Variants in SUSD3 observed in about 807,000 individuals in gnomAD.
SUSD3 encodes sushi domain containing 3.
In SUSD3, 18 loss-of-function variants were observed where a neutral mutation model predicts 20.6. That is an observed-to-expected ratio of 0.87 (90% CI 0.60 to 1.30). SUSD3 has a LOEUF of 1.30. Among genes scored for constraint, SUSD3 ranks in the 50% most tolerant of loss-of-function variants. The probability of loss-of-function intolerance (pLI) is 0.00; values close to 1 mark genes in which losing one functional copy is unlikely to be tolerated. For missense variants in SUSD3, 306 were observed against 346.9 expected (o/e 0.88, Z 0.94); for synonymous variants, 137 against 141.5 (o/e 0.97, Z 0.23).
At chr9:93,075,411 C>CTTTTTTTTTTT (rs58393196) in intron 1 of SUSD3, among the ~76,000 whole-genome samples, 71 of 101,272 alleles carry the variant, frequency 7.0e-4, no homozygotes, top group Non-Finnish European at 7.4e-4. Context: ...CTCTGTCCCT[C>CTTTTTTTTTTT]TTTTTTTTTT....
intron 2 of SUSD3, among the ~76,000 whole-genome samples, chr9:93,077,370 C>T (rs1826207627): frequency 6.6e-6 from 1 of 151,978 alleles, no homozygotes; most frequent in Non-Finnish European, 1.5e-5. Context: ...CCCACCCTTC[C>T]TTCATTCCTC....
rs563842945 is a variant in SUSD3, at chr9:93,061,076, A to T, written c.88+2246A>T. Among the ~76,000 whole-genome samples, 149 of 152,234 alleles carry T rather than the reference A, an allele frequency of 9.8e-4. 1 individual carries two copies. The highest frequency in any genetic ancestry group is 3.4e-3 in the African/African-American group (141 of 41,524). On this transcript the variant is annotated intron_variant, in intron 1 of 4. Coordinates refer to ENST00000375472, the MANE Select transcript of SUSD3 (RefSeq NM_145006.4). ...AGGAGTTTATCATGTTTGTTGTATG[A>T]CTGGCCCCTGGCCCTGCTCCCAGGT...
At chr9:93,059,761 G>A (rs1402796077) in intron 1 of SUSD3, among the ~76,000 whole-genome samples, 1 of 152,228 alleles carries the variant, frequency 6.6e-6, no homozygotes, top group Non-Finnish European at 1.5e-5. Context: ...GCAGGAAGGT[G>A]GCAGGAGAAT....
chr9:93,062,036 G>A (rs970760591), intron 1 of SUSD3, among the ~76,000 whole-genome samples: 3 of 152,250 alleles, frequency 2.0e-5, no homozygotes, highest in Non-Finnish European at 4.4e-5. Flanking sequence ...CCAGATAAAA[G>A]ATTAACAAGT....
intron 1 of SUSD3, among the ~76,000 whole-genome samples, 195 bp from the exon 2 acceptor site, chr9:93,075,589 G>T (rs1826104068): frequency 1.3e-5 from 2 of 151,606 alleles, no homozygotes; most frequent in African/African-American, 2.4e-5. Flanking sequence ...TTCATGGAGG[G>T]ATCCAGCTCT....
Position 93,063,981 on chromosome 9 carries a change from G to A in SUSD3, c.88+5151G>A, listed in dbSNP as rs77350135. Reference sequence around the variant, plus strand: ...TTATTTGAGTTTTTAATTTGACGGCGCATCCCGGACTTCTTGTAGGTCAGT... The same window carrying A: ...TTATTTGAGTTTTTAATTTGACGGCACATCCCGGACTTCTTGTAGGTCAGT... On this transcript the variant is annotated intron_variant, in intron 1 of 4. Transcript: ENST00000375472. Among the ~76,000 whole-genome samples, 1,032 of 152,224 alleles carry A rather than the reference G, an allele frequency of 6.8e-3. 12 individuals are homozygous for A. The highest frequency in any genetic ancestry group is 0.026 in the South Asian group (124 of 4,820).
At chr9:93,084,448 T>A (rs868837131) in intron 4 of SUSD3, 89 bp from the exon 5 acceptor site, 1 of 1,260,844 alleles carries the variant, frequency 7.9e-7, no homozygotes, top group Middle Eastern at 2.0e-4. Context: ...CCAGGCCCAC[T>A]GGAGGGCCTG....
intron 1 of SUSD3, chr9:93,069,139 G>T: frequency 1.4e-6 from 1 of 702,868 alleles, no homozygotes; most frequent in Non-Finnish European, 2.6e-6. Context: ...GGAAATTCCA[G>T]AGATAATTTG....
chr9:93,075,869 G>T lies in SUSD3; in HGVS notation c.174G>T (p.Met58Ile). Residue 58 changes from methionine to isoleucine, a missense_variant, in exon 2 of 5, where the codon ATG (methionine) becomes ATT (isoleucine). Coordinates refer to ENST00000375472, the MANE Select transcript of SUSD3 (RefSeq NM_145006.4). Reference sequence around the variant, plus strand: ...GTGCTTCCGTGGGGACCGTGCTCATGTTCCGCTGCCCCTCCAACCACCAGA... The same window carrying T: ...GTGCTTCCGTGGGGACCGTGCTCATTTTCCGCTGCCCCTCCAACCACCAGA... ...GNGASVGTVLMFRCPSNHQMV... is the reference protein window; with the variant it reads ...GNGASVGTVLIFRCPSNHQMV... 1 of 1,613,656 alleles carries T rather than the reference G, an allele frequency of 6.2e-7. No individual in the cohort carries two copies. Among genetic ancestry groups the T allele is most frequent in the African/African-American group, 1.3e-5 (1 of 74,878 alleles).
At chr9:93,065,195 C>T (rs1157667010) in intron 1 of SUSD3, among the ~76,000 whole-genome samples, 1 of 152,146 alleles carries the variant, frequency 6.6e-6, no homozygotes, top group Non-Finnish European at 1.5e-5. Context: ...GAACGTGCAG[C>T]AGAGTTGAAA....
intron 1 of SUSD3, among the ~76,000 whole-genome samples, chr9:93,066,450 T>A (rs1171481251): frequency 4.6e-5 from 7 of 152,138 alleles, no homozygotes; most frequent in Non-Finnish European, 1.0e-4. Context: ...GTCAGGCGGG[T>A]CTCAAACTGC....
chr9:93,075,381 A>T (rs1222208049), intron 1 of SUSD3, among the ~76,000 whole-genome samples: 1 of 144,334 alleles, frequency 6.9e-6, no homozygotes, highest in Non-Finnish European at 1.5e-5. Flanking sequence ...CTTTGTATGC[A>T]GTCAAATCTG....
chr9:93,063,431 C>T (rs191464035), intron 1 of SUSD3, among the ~76,000 whole-genome samples: 1 of 152,264 alleles, frequency 6.6e-6, no homozygotes, highest in African/African-American at 2.4e-5. Flanking sequence ...AAATTCAGGT[C>T]CAAGACCTGC....
rs75328682 is a variant in SUSD3 at position 93,067,890 on chromosome 9, G to A, written c.89-7894G>A. 5.1e-3 allele frequency among the ~76,000 whole-genome samples: 782 copies of A among 152,270 alleles called. 7 individuals carry two copies. The highest frequency in any genetic ancestry group is 0.018 in the African/African-American group (739 of 41,540). On this transcript the variant is annotated intron_variant, in intron 1 of 4. Transcript: ENST00000375472. ...TGGGATTACAGGCGTGAGCCACTGCGCCCAGCCAGCTATTGGTATTGCCTA... is the reference window on the plus strand; with the variant it reads ...TGGGATTACAGGCGTGAGCCACTGCACCCAGCCAGCTATTGGTATTGCCTA...
chr9:93,084,096 C>T (rs1018481307), intron 4 of SUSD3, among the ~76,000 whole-genome samples: 1 of 152,064 alleles, frequency 6.6e-6, no homozygotes, highest in Non-Finnish European at 1.5e-5. Flanking sequence ...GGTGATCCAG[C>T]TCCTGGCTAC....
chr9:93,072,827 G>C (rs1242943343), intron 1 of SUSD3, among the ~76,000 whole-genome samples: 1 of 152,158 alleles, frequency 6.6e-6, no homozygotes, highest in Non-Finnish European at 1.5e-5. Flanking sequence ...AGGTTTCAAG[G>C]TTTAGGGCCC....
At position 93,058,727 on chromosome 9, in the gene SUSD3, C is replaced by T; in HGVS notation, c.-16C>T. 5.7e-6 allele frequency: 7 copies of T among 1,231,108 alleles called. No homozygotes were observed. The highest frequency in any genetic ancestry group is 1.6e-5 in the African/African-American group (1 of 64,304). The allele number at this position is 1,231,108 out of a possible 1,614,324, so 76.3% of individuals were successfully genotyped here. A position where few individuals can be genotyped will look rare whatever the true frequency, so the allele number is the denominator to read the frequency against. On this transcript the variant is annotated 5_prime_UTR_variant, in exon 1 of 5. Transcript: ENST00000375472. ...CTCCCCTGGCAGACCCCGCCAAGCG[C>T]CTCGGAGCGCGCAGGATGCGCTGGG...
At position 93,062,100 on chromosome 9, in the gene SUSD3, C is replaced by G. The variant is rs139734712; in HGVS notation, c.88+3270C>G. Among the ~76,000 whole-genome samples the G allele has an allele frequency of 4.7e-3, 716 of 152,320 alleles. 4 individuals carry two copies. The highest frequency in any genetic ancestry group is 0.016 in the African/African-American group (678 of 41,566). On this transcript the variant is annotated intron_variant, in intron 1 of 4. Transcript: ENST00000375472. ...CTCACAGGCTGGGAGGATGAGAATC[C>G]ACCCGGTCAGGCTTGGCCCCCTCCG...
intron 1 of SUSD3, among the ~76,000 whole-genome samples, chr9:93,068,353 A>G (rs1825792635): frequency 6.6e-6 from 1 of 152,168 alleles, no homozygotes; most frequent in African/African-American, 2.4e-5. Context: ...TCTTTGATTC[A>G]TGTTAATTTT....
Sources: gnomAD v4.1 joint callset for allele counts (sites outside exome capture counted in the v4.1 genomes callset) on GRCh38, gnomAD v4.1.1 for gene constraint, MANE v1.5 for transcripts, NCBI Gene and HGNC (gene_info 2026-07-23, HGNC 2026-07-21) for gene names.